Variants in KDM4C observed in about 807,000 individuals in gnomAD.
KDM4C encodes the protein lysine-specific demethylase 4C.
KDM4C carries 81 observed loss-of-function variants against 129.3 expected under a neutral mutation model. The ratio of observed to expected loss-of-function variants is 0.63; its 90% confidence interval spans 0.52 to 0.75. KDM4C has a LOEUF of 0.75. Ranked by LOEUF, KDM4C falls within the 30% of genes least tolerant of loss-of-function variation. The pLI is 0.00. For missense variants in KDM4C, 1,457 were observed against 1,304.0 expected (o/e 1.12, Z -1.81); for synonymous variants, 573 against 456.1 (o/e 1.26, Z -3.26).
intron 6 of KDM4C, among the ~76,000 whole-genome samples, chr9:6,883,692 C>G (rs920607632): frequency 6.6e-5 from 10 of 152,052 alleles, no homozygotes; most frequent in Admixed American, 6.6e-4. Flanking sequence ...AAATGAATGT[C>G]AACTAGTAGG....
chr9:7,171,747 C>G (rs1353372876), intron 21 of KDM4C, among the ~76,000 whole-genome samples: 1 of 152,116 alleles, frequency 6.6e-6, no homozygotes, highest in Admixed American at 6.5e-5. Context: ...CTGTGGCTGT[C>G]TCGGAACACA....
At chr9:6,996,992 C>G (rs1819872483) in intron 12 of KDM4C, among the ~76,000 whole-genome samples, 1 of 151,628 alleles carries the variant, frequency 6.6e-6, no homozygotes, top group Non-Finnish European at 1.5e-5. Context: ...CATAGAGAGG[C>G]AAAAATAGCA....
At chr9:6,817,367 A>T (rs1046332064) in intron 4 of KDM4C, among the ~76,000 whole-genome samples, 2 of 151,844 alleles carry the variant, frequency 1.3e-5, no homozygotes, top group Admixed American at 6.6e-5. Flanking sequence ...ATGCCTAGCT[A>T]ATTTTTAAAA....
intron 4 of KDM4C, among the ~76,000 whole-genome samples, chr9:6,828,813 A>G (rs1435033855): frequency 6.6e-6 from 1 of 152,112 alleles, no homozygotes; most frequent in Non-Finnish European, 1.5e-5. Flanking sequence ...AGAGGTTGGC[A>G]TGAGCCGAGA....
At chr9:6,748,170 A>C (rs1487396117) in intron 1 of KDM4C, among the ~76,000 whole-genome samples, 1 of 129,576 alleles carries the variant, frequency 7.7e-6, no homozygotes, top group Non-Finnish European at 1.6e-5. Flanking sequence ...GGTCTCAAAA[A>C]AAAAACAAAC....
chr9:6,921,324 C>T (rs962101121), intron 8 of KDM4C, among the ~76,000 whole-genome samples: 4 of 152,200 alleles, frequency 2.6e-5, no homozygotes, highest in African/African-American at 7.2e-5. Flanking sequence ...GATTACTTCA[C>T]ACGTCCGCTT....
At chr9:7,122,508 T>C (rs1389600031) in intron 18 of KDM4C, among the ~76,000 whole-genome samples, 2 of 152,172 alleles carry the variant, frequency 1.3e-5, no homozygotes, top group Non-Finnish European at 2.9e-5. Context: ...TGTTCTGAGA[T>C]CTTGGAAAAG....
At chr9:7,002,377 T>C (rs1820887592) in intron 12 of KDM4C, among the ~76,000 whole-genome samples, 2 of 152,218 alleles carry the variant, frequency 1.3e-5, no homozygotes, top group African/African-American at 4.8e-5. Flanking sequence ...GGTGTTACGT[T>C]TTATTAGTAC....
intron 1 of KDM4C, among the ~76,000 whole-genome samples, chr9:6,751,818 A>G (rs1054190431): frequency 7.2e-5 from 11 of 152,214 alleles, no homozygotes; most frequent in African/African-American, 2.7e-4. Context: ...CTTCTGGAAG[A>G]ATTTGAGTAG....
intron 8 of KDM4C, among the ~76,000 whole-genome samples, chr9:6,898,758 TAA>T (rs1169132848): frequency 6.6e-6 from 1 of 152,240 alleles, no homozygotes; most frequent in African/African-American, 2.4e-5. Context: ...TCTCTAAAAT[TAA>T]GTTAGATATT....
At chr9:6,835,683 TG>T (rs762112090) in intron 4 of KDM4C, 178 of 698,048 alleles carry the variant, frequency 2.5e-4, no homozygotes, top group Non-Finnish European at 3.8e-4. Flanking sequence ...GTTTTGTTTT[TG>T]TTTTTGTTTT....
chr9:7,083,711 ATGTGTGTGTGTGTGTGTGTGTG>A (rs142609948), intron 17 of KDM4C, among the ~76,000 whole-genome samples: 1 of 143,224 alleles, frequency 7.0e-6, no homozygotes, highest in Non-Finnish European at 1.5e-5. Flanking sequence ...CACATGACTG[ATGTGTGTGTGTGTGTGTGTGTG>A]TGTGTGTGTG....
intron 9 of KDM4C, among the ~76,000 whole-genome samples, chr9:6,981,377 A>G (rs990449263): frequency 6.6e-6 from 1 of 152,172 alleles, no homozygotes; most frequent in Non-Finnish European, 1.5e-5. Context: ...TTGTTAGACC[A>G]CTTACATGAA....
At chr9:6,970,474 A>G (rs1376942893) in intron 8 of KDM4C, among the ~76,000 whole-genome samples, 1 of 152,248 alleles carries the variant, frequency 6.6e-6, no homozygotes. Flanking sequence ...TGAACCAAAG[A>G]TGGATGTAAT....
intron 1 of KDM4C, chr9:6,726,508 G>C (rs1817133581): frequency 6.6e-6 from 1 of 152,262 alleles, no homozygotes; most frequent in Non-Finnish European, 1.5e-5. Context: ...ACCAGGGAAT[G>C]AATGCTTCAA....
At chr9:7,137,321 G>A (rs989007979) in intron 19 of KDM4C, among the ~76,000 whole-genome samples, 1 of 152,158 alleles carries the variant, frequency 6.6e-6, no homozygotes, top group African/African-American at 2.4e-5. Flanking sequence ...GGGTAGGGCT[G>A]AATCAACTTC....
At position 6,965,149 on chromosome 9, in the gene KDM4C, G is replaced by C. The variant is rs560080824; in HGVS notation, c.922-15776G>C. ...CTTGCATGTTATTTATTTTTAATGA[G>C]AGAAAAATTATATGTAGGAAATAAA... On this transcript the variant is annotated intron_variant, in intron 8 of 21. Transcript: ENST00000381309. Among the ~76,000 whole-genome samples the C allele has an allele frequency of 2.6e-5, 4 of 151,858 alleles. No individual in the cohort carries two copies. The South Asian group carries it at 8.3e-4, about 32-fold the overall frequency.
At position 7,174,899 on chromosome 9, in the gene KDM4C, C is replaced by T. The variant is rs1031282478; in HGVS notation, c.*170C>T. On this transcript the variant is annotated 3_prime_UTR_variant, in exon 22 of 22. Coordinates refer to ENST00000381309, the MANE Select transcript of KDM4C (RefSeq NM_015061.6). ...GGTCACCAAAAATACAAAATACACC[C>T]AATGAATTGGACGCAGCAATCTGAA... is the stretch of plus-strand genomic sequence containing the variant. The T allele has an allele frequency of 3.3e-5, 18 of 543,878 alleles. No homozygotes were observed. Among genetic ancestry groups the T allele is most frequent in the African/African-American group, 2.4e-4 (13 of 53,754 alleles). 33.7% of individuals were successfully genotyped at this position (543,878 alleles called of 1,614,324 possible). A position where few individuals can be genotyped will look rare whatever the true frequency, so the allele number is the denominator to read the frequency against.
chr9:6,973,954 C>G (rs903025502), intron 8 of KDM4C: 3 of 152,190 alleles, frequency 2.0e-5, no homozygotes, highest in African/African-American at 4.8e-5. Flanking sequence ...TGTGAGACAG[C>G]TAGTTCTGTA....
Sources: gnomAD v4.1 joint callset for allele counts (sites outside exome capture counted in the v4.1 genomes callset) on GRCh38, gnomAD v4.1.1 for gene constraint, MANE v1.5 for transcripts, NCBI Gene and HGNC (gene_info 2026-07-23, HGNC 2026-07-21) for gene names.